Variants in UBE2O observed in about 807,000 individuals in gnomAD.
UBE2O encodes the protein (E3-independent) E2 ubiquitin-conjugating enzyme.
A neutral mutation model predicts 125.8 loss-of-function variants in UBE2O; 15 were observed. That is an observed-to-expected ratio of 0.12 (90% CI 0.08 to 0.18). The LOEUF (loss-of-function observed/expected upper bound fraction) is 0.18, where lower values mean the gene tolerates loss of function less well. UBE2O is among the 10% of genes least tolerant of loss of function. The pLI, the probability that UBE2O is intolerant of heterozygous loss-of-function variation, is 1.00. For missense variants in UBE2O, 1,280 were observed against 1,723.6 expected (o/e 0.74, Z 4.56); for synonymous variants, 708 against 703.2 (o/e 1.01, Z -0.11).
At chr17:76,420,992 GC>G (rs1196601570) in intron 1 of UBE2O, among the ~76,000 whole-genome samples, 2 of 152,160 alleles carry the variant, frequency 1.3e-5, no homozygotes, top group Non-Finnish European at 2.9e-5. Context: ...TGCTTTCTAA[GC>G]CAAGATTTCC....
chr17:76,403,402 G>A (rs2143721128), intron 3 of UBE2O, among the ~76,000 whole-genome samples: 1 of 152,050 alleles, frequency 6.6e-6, no homozygotes, highest in Non-Finnish European at 1.5e-5. Flanking sequence ...CTGAGTAGCT[G>A]GGACTACAGG....
At chr17:76,451,127 A>C (rs1009701211) in intron 1 of UBE2O, among the ~76,000 whole-genome samples, 4 of 152,198 alleles carry the variant, frequency 2.6e-5, no homozygotes, top group African/African-American at 9.7e-5. Context: ...CACAACACAG[A>C]GGATGCTGCA....
chr17:76,413,611 T>C (rs1348780900), intron 1 of UBE2O, among the ~76,000 whole-genome samples: 6 of 152,102 alleles, frequency 3.9e-5, no homozygotes, highest in Admixed American at 3.9e-4. Flanking sequence ...TTACCGTGAG[T>C]GACTGCTGAG....
chr17:76,449,580 G>T (rs1269373273), intron 1 of UBE2O, among the ~76,000 whole-genome samples: 1 of 151,284 alleles, frequency 6.6e-6, no homozygotes, highest in Non-Finnish European at 1.5e-5. Context: ...GTTTAAAAAA[G>T]AAACTCACAC....
chr17:76,439,200 T>G (rs2073043577), intron 1 of UBE2O, among the ~76,000 whole-genome samples: 1 of 152,178 alleles, frequency 6.6e-6, no homozygotes, highest in South Asian at 2.1e-4. Context: ...CTCTGTGAAG[T>G]AAGAACACCT....
intron 1 of UBE2O, among the ~76,000 whole-genome samples, chr17:76,448,289 A>G (rs991640784): frequency 6.6e-5 from 10 of 152,218 alleles, no homozygotes; most frequent in African/African-American, 2.4e-4. Flanking sequence ...CGCAATTTAG[A>G]TTCACTTAGT....
At chr17:76,414,635 C>T (rs1225962049) in intron 1 of UBE2O, among the ~76,000 whole-genome samples, 3 of 152,194 alleles carry the variant, frequency 2.0e-5, no homozygotes, top group African/African-American at 4.8e-5. Flanking sequence ...GGCTGCAGCT[C>T]GCCAGCTTGC....
chr17:76,441,428 C>T (rs546721269), intron 1 of UBE2O, among the ~76,000 whole-genome samples: 62 of 152,292 alleles, frequency 4.1e-4, no homozygotes, highest in African/African-American at 1.4e-3. Context: ...ATGATGAGTC[C>T]GCCTCATCCC....
At chr17:76,411,745 G>A (rs542768683) in intron 1 of UBE2O, among the ~76,000 whole-genome samples, 8 of 152,158 alleles carry the variant, frequency 5.3e-5, no homozygotes, top group Non-Finnish European at 5.9e-5. Context: ...GAGGGCAGTG[G>A]CGCAAGCAGG....
At position 76,423,725 on chromosome 17, in the gene UBE2O, T is replaced by TAAATAAATAAATAAAAAAAA. The variant is rs1407680083; in HGVS notation, c.418-18154_418-18153insTTTTTTTTATTTATTTATTT. Among the ~76,000 whole-genome samples the TAAATAAATAAATAAAAAAAA allele has an allele frequency of 4.1e-3, 604 of 148,768 alleles. 4 individuals carry two copies. The highest frequency in any genetic ancestry group is 0.014 in the African/African-American group (558 of 40,432). ...ATAAATAAATAAATAAATAAATAAATAAAAAATAAGGTCAGGCAGGAAGCT... is the reference window on the plus strand; with the variant it reads ...ATAAATAAATAAATAAATAAATAAATAAATAAATAAATAAAAAAAAAAAAAATAAGGTCAGGCAGGAAGCT... On this transcript the variant is annotated intron_variant, in intron 1 of 17. Transcript: ENST00000319380.
chr17:76,399,654 A>C lies in UBE2O; in HGVS notation c.1423T>G (p.Ser475Ala). 3 of 1,614,078 alleles carry C rather than the reference A, an allele frequency of 1.9e-6. No homozygotes were observed. Among genetic ancestry groups the C allele is most frequent in the Non-Finnish European group, 1.7e-6 (2 of 1,180,012 alleles). The change falls in exon 9 of 18, where the codon TCG becomes GCG. Residue 475 changes from serine (S) to alanine (A), a missense_variant. By Grantham distance (99) the Ser-to-Ala change is moderately conservative. Transcript: ENST00000319380. The surrounding 1 kb of genome is among the most constrained non-coding windows in gnomAD (Gnocchi z 6.9). ...TCATCATCTGCGTCCTGCTCTGCCG[A>C]GTGCAGCCTGTCATCTCTGCCTTCT... Reference protein sequence around the residue: ...LKEGRDDRLHSAEQDADDEAA... With the variant: ...LKEGRDDRLHAAEQDADDEAA...
chr17:76,413,602 T>C (rs1196469461), intron 1 of UBE2O, among the ~76,000 whole-genome samples: 1 of 152,194 alleles, frequency 6.6e-6, no homozygotes, highest in Non-Finnish European at 1.5e-5. Context: ...ATGTGTATTT[T>C]ACCGTGAGTG....
chr17:76,396,459 G>A lies in UBE2O; in HGVS notation c.2478C>T (p.Asn826=), dbSNP rs997976939. 1 of 1,614,140 alleles carries A rather than the reference G, an allele frequency of 6.2e-7. No individual in the cohort carries two copies. The highest frequency in any genetic ancestry group is 1.7e-5 in the Admixed American group (1 of 60,018). ...EAIKILESLK[N]MTVEQLLTGS... ...CCGTCAGCAGCTGCTCCACAGTCAT[G>A]TTCTTGAGGCTCTCCAGGATCTTGA... The change falls in exon 14 of 18, where the codon AAC becomes AAT. Residue 826 remains asparagine (N), a synonymous_variant. Transcript: ENST00000319380. This position sits in a 1 kb window ranked among gnomAD's most constrained non-coding sequence, Gnocchi z 6.7.
chr17:76,411,957 A>T (rs1567840885), intron 1 of UBE2O, among the ~76,000 whole-genome samples: 3 of 152,162 alleles, frequency 2.0e-5, no homozygotes. Flanking sequence ...TGCTGGGATT[A>T]CAGGCGTGAG....
At chr17:76,444,090 G>A (rs551094615) in intron 1 of UBE2O, among the ~76,000 whole-genome samples, 15 of 152,096 alleles carry the variant, frequency 9.9e-5, no homozygotes, top group Admixed American at 2.6e-4. Context: ...ACGTGGTGGC[G>A]GGAGCCTGTA....
intron 1 of UBE2O, chr17:76,430,475 T>C: frequency 3.9e-6 from 1 of 258,718 alleles, no homozygotes; most frequent in South Asian, 4.4e-5. Flanking sequence ...AGCAGCTCCA[T>C]TTTCTACAAA....
intron 1 of UBE2O, among the ~76,000 whole-genome samples, chr17:76,439,304 C>T (rs879131350): frequency 6.6e-6 from 1 of 152,204 alleles, no homozygotes; most frequent in African/African-American, 2.4e-5. Flanking sequence ...TGCAGCCTCG[C>T]CTGCCAGCAC....
chr17:76,404,160 C>G lies in UBE2O; in HGVS notation c.588+1046G>C, dbSNP rs1341203572. On this transcript the variant is annotated intron_variant, in intron 3 of 17. Transcript: ENST00000319380. This position sits in a 1 kb window ranked among gnomAD's most constrained non-coding sequence, Gnocchi z 4.3. ...GGGGAACTGTGAATGGAGGCCAAAG[C>G]TGGTGGATTTCAGTTTGACAAATGA... Among the ~76,000 whole-genome samples the G allele has an allele frequency of 1.3e-5, 2 of 152,216 alleles. No homozygotes were observed. Among genetic ancestry groups the G allele is most frequent in the Non-Finnish European group, 2.9e-5 (2 of 68,042 alleles).
At position 76,396,610 on chromosome 17, in the gene UBE2O, A is replaced by G. The variant is rs1189065398; in HGVS notation, c.2327T>C (p.Ile776Thr). 6.2e-7 allele frequency: 1 copy of G among 1,610,862 alleles called. No homozygotes were observed. The highest frequency in any genetic ancestry group is 8.5e-7 in the Non-Finnish European group (1 of 1,178,764). The change falls in exon 14 of 18, where the codon ATC (isoleucine) becomes ACC (threonine). Residue 776 changes from isoleucine to threonine, a missense_variant. Physicochemically the swap from Ile to Thr is moderately conservative, Grantham distance 89. Coordinates refer to ENST00000319380, the MANE Select transcript of UBE2O (RefSeq NM_022066.4). The surrounding 1 kb of genome is among the most constrained non-coding windows in gnomAD (Gnocchi z 6.7). ...GGCAGCTGTGGCTGCCTCTTCACTG[A>G]TCACCACTCCCTTGTCCTCAGGGGC... ...PVAPEDKGVV[I>T]SEEAATAAVQ...
Sources: gnomAD v4.1 joint callset for allele counts (sites outside exome capture counted in the v4.1 genomes callset) on GRCh38, gnomAD v4.1.1 for gene constraint, Gnocchi (gnomAD v3.1) non-coding constraint, MANE v1.5 for transcripts, NCBI Gene and HGNC (gene_info 2026-07-23, HGNC 2026-07-21) for gene names.